Variants in PTPRT observed in about 807,000 individuals in gnomAD.
PTPRT encodes the protein receptor-type tyrosine-protein phosphatase T.
PTPRT carries 56 observed loss-of-function variants against 176.8 expected under a neutral mutation model. That is an observed-to-expected ratio of 0.32 (90% CI 0.26 to 0.40). PTPRT has a LOEUF of 0.40. Ranked by LOEUF, PTPRT falls within the 10% of genes least tolerant of loss-of-function variation. The probability of loss-of-function intolerance (pLI) is 1.00; values close to 1 mark genes in which losing one functional copy is unlikely to be tolerated. For synonymous variants in PTPRT, 783 were observed against 739.0 expected, an observed-to-expected ratio of 1.06 and a Z score of -0.96; for missense variants, 1,540 against 1,908.2, an observed-to-expected ratio of 0.81 and a Z score of 3.60.
chr20:42,099,565 G>GGGGGGT (rs1985714245), intron 26 of PTPRT, among the ~76,000 whole-genome samples: 2 of 49,828 alleles, frequency 4.0e-5, no homozygotes, highest in Non-Finnish European at 9.0e-5. Context: ...GGGGGGTGGG[G>GGGGGGT]TGGTCTGGCA....
At chr20:42,579,007 A>C in intron 7 of PTPRT, among the ~76,000 whole-genome samples, 1 of 150,252 alleles carries the variant, frequency 6.7e-6, no homozygotes, top group East Asian at 2.0e-4. Flanking sequence ...TGCTGCACCC[A>C]TTAACTCGTC....
chr20:42,184,687 G>T (rs959868915), intron 16 of PTPRT, among the ~76,000 whole-genome samples: 38 of 149,056 alleles, frequency 2.5e-4, no homozygotes, highest in African/African-American at 9.4e-4. Context: ...GAGTGCAGTG[G>T]CATGATCTCG....
chr20:42,719,256 T>G (rs1466154024), intron 6 of PTPRT, among the ~76,000 whole-genome samples: 1 of 152,120 alleles, frequency 6.6e-6, no homozygotes, highest in Non-Finnish European at 1.5e-5. Context: ...TGGTCATAAT[T>G]AAAATAATGA....
chr20:43,067,570 T>A (rs370710452), intron 1 of PTPRT, among the ~76,000 whole-genome samples: 93 of 152,248 alleles, frequency 6.1e-4, no homozygotes, highest in African/African-American at 2.1e-3. Flanking sequence ...AGGAGTGATA[T>A]GATCTGAGAT....
rs915658572 is a variant in PTPRT, at chr20:42,375,537, C to T, written c.1561-23252G>A. Among the ~76,000 whole-genome samples the T allele has an allele frequency of 4.6e-5, 7 of 152,224 alleles. No homozygotes were observed. The East Asian group carries it at 1.2e-3, about 25-fold the overall frequency. On this transcript the variant is annotated intron_variant, in intron 9 of 30. Transcript: ENST00000373187. ...GTCCTCTTGGAAGAAGGGACTAGGC[C>T]CTCACCAGACACCAAACCTGCCCCC... is the stretch of plus-strand genomic sequence containing the variant.
intron 7 of PTPRT, among the ~76,000 whole-genome samples, chr20:42,510,681 A>C (rs1180676441): frequency 6.6e-6 from 1 of 152,150 alleles, no homozygotes; most frequent in Non-Finnish European, 1.5e-5. Flanking sequence ...AAGAATATAC[A>C]TACAAATTAC....
At chr20:42,854,481 A>T (rs368763509) in intron 2 of PTPRT, among the ~76,000 whole-genome samples, 85 of 152,318 alleles carry the variant, frequency 5.6e-4, no homozygotes, top group African/African-American at 1.9e-3. Context: ...TTCCCTAGGC[A>T]CACTGTGACA....
At chr20:42,044,021 C>A in the PTPRT span, among the ~76,000 whole-genome samples, 1 of 152,208 alleles carries the variant, frequency 6.6e-6, no homozygotes, top group Non-Finnish European at 1.5e-5. Flanking sequence ...CAAAGACTCA[C>A]TGAGACCAGC....
intron 15 of PTPRT, among the ~76,000 whole-genome samples, chr20:42,203,181 G>T (rs917261937): frequency 5.3e-5 from 8 of 152,146 alleles, no homozygotes; most frequent in Non-Finnish European, 1.2e-4. Context: ...TTTGTGGAAG[G>T]AAATAAAACA....
At chr20:42,888,808 C>T (rs1362440999) in intron 1 of PTPRT, among the ~76,000 whole-genome samples, 1 of 152,032 alleles carries the variant, frequency 6.6e-6, no homozygotes, top group Non-Finnish European at 1.5e-5. Flanking sequence ...CAGATATGAT[C>T]CTTACCCTCA....
In PTPRT at chr20:42,345,392, C is replaced by CAT. The variant is rs1555829306; in HGVS notation, c.1865+5234_1865+5235dup. Among the ~76,000 whole-genome samples the CAT allele has an allele frequency of 9.2e-3, 1,192 of 130,266 alleles. 30 individuals carry two copies. The highest frequency in any genetic ancestry group is 0.032 in the African/African-American group (1,131 of 35,560). 85.5% of individuals were successfully genotyped at this position (130,266 alleles called of 152,430 possible). On this transcript the variant is annotated intron_variant, in intron 11 of 30. Transcript: ENST00000373187. ...ACACACACACACACACACACACACA[C>CAT]ATATATATATAAAACTAGTTACTAT...
chr20:42,098,379 GC>G lies in PTPRT; in HGVS notation c.3846+41del, dbSNP rs749579168. ...GATCTCCCTCCAGGTTTAGAGCATG[GC>G]CCCCCTGACCCACCTAGGGCTTGGC... is the stretch of plus-strand genomic sequence containing the variant. On this transcript the variant is annotated intron_variant, in intron 27 of 30. Coordinates refer to ENST00000373187, the MANE Select transcript of PTPRT (RefSeq NM_007050.6). 3.7e-6 allele frequency: 6 copies of G among 1,609,500 alleles called. No homozygotes were observed. In the East Asian group the frequency reaches 6.7e-5, roughly 18 times the overall value.
chr20:42,255,875 AT>A (rs2056629239), intron 13 of PTPRT, among the ~76,000 whole-genome samples: 1 of 152,234 alleles, frequency 6.6e-6, no homozygotes, highest in Non-Finnish European at 1.5e-5. Flanking sequence ...CAGGGACACT[AT>A]TCCTAAAAAC....
chr20:42,326,628 G>T (rs1164869816), intron 11 of PTPRT, among the ~76,000 whole-genome samples: 1 of 152,092 alleles, frequency 6.6e-6, no homozygotes, highest in Non-Finnish European at 1.5e-5. Context: ...ACTGACATTG[G>T]AAGGAAAATA....
At chr20:42,321,906 C>A (rs2057803320) in intron 11 of PTPRT, among the ~76,000 whole-genome samples, 2 of 152,210 alleles carry the variant, frequency 1.3e-5, no homozygotes, top group East Asian at 1.9e-4. Context: ...CCCGTCTCTA[C>A]TAAAAATACA....
At chr20:42,239,189 T>C (rs2056303127) in intron 14 of PTPRT, among the ~76,000 whole-genome samples, 4 of 152,138 alleles carry the variant, frequency 2.6e-5, no homozygotes, top group Admixed American at 1.3e-4. Flanking sequence ...TAATAAAATA[T>C]GAACAAATAC....
At chr20:43,079,726 A>T (rs2011386942) in intron 1 of PTPRT, among the ~76,000 whole-genome samples, 1 of 152,208 alleles carries the variant, frequency 6.6e-6, no homozygotes, top group Non-Finnish European at 1.5e-5. Flanking sequence ...ATATTATCCA[A>T]CAAATTTGTT....
At chr20:42,654,751 C>T (rs1268383502) in intron 7 of PTPRT, among the ~76,000 whole-genome samples, 4 of 152,046 alleles carry the variant, frequency 2.6e-5, no homozygotes, top group Admixed American at 2.6e-4. Flanking sequence ...GGAATTAGCC[C>T]AGAGAAGTTT....
intron 7 of PTPRT, among the ~76,000 whole-genome samples, chr20:42,664,378 GTCTT>G (rs1190748126): frequency 6.6e-6 from 1 of 151,874 alleles, no homozygotes; most frequent in Non-Finnish European, 1.5e-5. Flanking sequence ...TCTTTTTCTT[GTCTT>G]TCTATGTAGT....
Sources: gnomAD v4.1 joint callset for allele counts (sites outside exome capture counted in the v4.1 genomes callset) on GRCh38, gnomAD v4.1.1 for gene constraint, MANE v1.5 for transcripts, NCBI Gene and HGNC (gene_info 2026-07-23, HGNC 2026-07-21) for gene names.